Variants in WNK1 observed in about 807,000 individuals in gnomAD.
WNK1 encodes serine/threonine-protein kinase WNK1.
WNK1 carries 38 observed loss-of-function variants against 222.8 expected under a neutral mutation model. The ratio of observed to expected loss-of-function variants is 0.17; its 90% confidence interval spans 0.13 to 0.22. The LOEUF (loss-of-function observed/expected upper bound fraction) is 0.22. Among genes scored for constraint, WNK1 ranks in the 10% least tolerant of loss-of-function variants. WNK1 has a pLI of 1.00. For missense variants in WNK1, 2,348 were observed against 2,918.4 expected (o/e 0.80, Z 4.50); for synonymous variants, 1,090 against 1,092.9 (o/e 1.00, Z 0.05).
At position 827,424 on chromosome 12, in the gene WNK1, T is replaced by C; in HGVS notation, c.1153+162T>C. The stretch of plus-strand genomic sequence containing the variant: ...CTTATGAGATATAGGATTCTCTATA[T>C]TTGTGCTTCTTGGAATCATCTTAGA... On this transcript the variant is annotated intron_variant, in intron 3 of 27. Transcript: ENST00000315939. This position sits in a 1 kb window ranked among gnomAD's most constrained non-coding sequence, Gnocchi z 4.6. The C allele has an allele frequency of 1.5e-6, 1 of 651,184 alleles. No homozygotes were observed. The highest frequency in any genetic ancestry group is 2.7e-6 in the Non-Finnish European group (1 of 366,526). The allele number at this position is 651,184 out of a possible 1,614,324, so 40.3% of individuals were successfully genotyped here.
chr12:855,009 G>A (rs1255259459), intron 4 of WNK1, among the ~76,000 whole-genome samples: 4 of 152,194 alleles, frequency 2.6e-5, no homozygotes, highest in East Asian at 1.9e-4. Context: ...ATCCACAGAC[G>A]TGGAAACCAT....
intron 27 of WNK1, 72 bp downstream of exon 27, chr12:908,106 C>A: frequency 6.5e-7 from 1 of 1,547,456 alleles, no homozygotes; most frequent in Non-Finnish European, 8.9e-7. Context: ...AACTAAGCTG[C>A]TGCTTAACGT....
At chr12:865,483 C>G (rs1181459968) in intron 8 of WNK1, 1 of 1,309,120 alleles carries the variant, frequency 7.6e-7, no homozygotes, top group Non-Finnish European at 1.0e-6. Context: ...TATTATGCTT[C>G]TAGGATACCA....
chr12:887,161 C>T (rs1011075726), intron 19 of WNK1, 60 bp from the exon 20 acceptor site: 9 of 1,428,786 alleles, frequency 6.3e-6, no homozygotes, highest in East Asian at 2.3e-5. Context: ...ATTTGCTCTT[C>T]AGTACGCAGT....
chr12:855,641 T>C (rs1027329048), intron 4 of WNK1, among the ~76,000 whole-genome samples: 4 of 152,150 alleles, frequency 2.6e-5, no homozygotes, highest in African/African-American at 9.7e-5. Flanking sequence ...CCCAACTCCA[T>C]TCCCTTTGTT....
intron 1 of WNK1, among the ~76,000 whole-genome samples, chr12:773,461 C>T (rs1478647079): frequency 6.6e-6 from 1 of 152,106 alleles, no homozygotes; most frequent in African/African-American, 2.4e-5. Flanking sequence ...TTAAAAGGAA[C>T]TACTTCCCAA....
chr12:882,386 A>G (rs1953250277), intron 14 of WNK1, among the ~76,000 whole-genome samples: 1 of 151,928 alleles, frequency 6.6e-6, no homozygotes, highest in South Asian at 2.1e-4. Context: ...TTTAGTAGAG[A>G]CAGGGTTTCA....
At chr12:855,680 T>G (rs1950730515) in intron 4 of WNK1, among the ~76,000 whole-genome samples, 1 of 152,200 alleles carries the variant, frequency 6.6e-6, no homozygotes, top group African/African-American at 2.4e-5. Context: ...ACAGTGCCAC[T>G]TGAACAGCAT....
At chr12:805,376 T>C (rs1946283968) in intron 1 of WNK1, among the ~76,000 whole-genome samples, 1 of 151,988 alleles carries the variant, frequency 6.6e-6, no homozygotes, top group African/African-American at 2.4e-5. Flanking sequence ...AGACATGTTT[T>C]AAAGGAAAAA....
intron 1 of WNK1, among the ~76,000 whole-genome samples, chr12:774,223 A>G (rs1942860614): frequency 6.6e-6 from 1 of 152,180 alleles, no homozygotes; most frequent in Admixed American, 6.6e-5. Flanking sequence ...TTTCCGAAGG[A>G]AAGTTTTTAC....
rs369472011 is a variant in WNK1, at chr12:908,786, C to A, written c.7143C>A (p.Thr2381=). The change falls in exon 28 of 28, where the codon ACC becomes ACA. Residue 2381 remains threonine, a synonymous_variant. Coordinates refer to ENST00000315939, the MANE Select transcript of WNK1 (RefSeq NM_018979.4). ...ISNPPGSNLR[T]T is the part of the protein sequence containing the mutation. The stretch of plus-strand genomic sequence containing the variant: ...ACCCCCCAGGCTCCAACCTGCGGAC[C>A]ACTTAGACCTAGAGACATTAACTGA... 6.7e-5 allele frequency: 98 copies of A among 1,461,842 alleles called. No individual in the cohort carries two copies. The highest frequency in any genetic ancestry group is 8.8e-5 in the Non-Finnish European group (95 of 1,083,790). 90.6% of individuals were successfully genotyped at this position (1,461,842 alleles called of 1,614,324 possible). A position where few individuals can be genotyped will look rare whatever the true frequency, so the allele number is the denominator to read the frequency against.
chr12:766,788 T>C (rs1342510148), intron 1 of WNK1, among the ~76,000 whole-genome samples: 3 of 150,138 alleles, frequency 2.0e-5, no homozygotes, highest in Non-Finnish European at 3.0e-5. Flanking sequence ...ATTTTATTAT[T>C]ATTTTTGAGA....
At chr12:792,731 C>G (rs1365429790) in intron 1 of WNK1, among the ~76,000 whole-genome samples, 1 of 152,136 alleles carries the variant, frequency 6.6e-6, no homozygotes, top group Non-Finnish European at 1.5e-5. Flanking sequence ...TTTCTTGACC[C>G]TAACCTCCTT....
At chr12:782,268 C>T (rs1265669643) in intron 1 of WNK1, among the ~76,000 whole-genome samples, 1 of 152,170 alleles carries the variant, frequency 6.6e-6, no homozygotes, top group Non-Finnish European at 1.5e-5. Flanking sequence ...GAAGTAGTTA[C>T]ATTGCTGGGT....
At position 891,181 on chromosome 12, in the gene WNK1, C is replaced by T. The variant is rs536905327; in HGVS notation, c.5509+668C>T. 6.6e-5 allele frequency among the ~76,000 whole-genome samples: 10 copies of T among 152,256 alleles called. No homozygotes were observed. In the East Asian group the frequency reaches 1.9e-3, roughly 29 times the overall value. ...TGAAGTGGAGTTTGCTCTTGTTGCC[C>T]AGGCTGGAGTGCAGTGGCATCATCT... On this transcript the variant is annotated intron_variant, in intron 22 of 27. Transcript: ENST00000315939.
intron 2 of WNK1, among the ~76,000 whole-genome samples, chr12:822,951 G>C (rs1372008496): frequency 6.6e-6 from 1 of 152,094 alleles, no homozygotes; most frequent in Non-Finnish European, 1.5e-5. Context: ...GTGTACTACT[G>C]TCAAACTCTT....
intron 8 of WNK1, chr12:868,716 T>C (rs1951891460): frequency 6.2e-7 from 1 of 1,613,862 alleles, no homozygotes; most frequent in South Asian, 1.1e-5. Context: ...CAGGTTGCAG[T>C]GGACTTGAAT....
In WNK1 at chr12:900,481, C is replaced by T; in HGVS notation, c.6454C>T (p.Leu2152=). 1 of 1,614,162 alleles carries T rather than the reference C, an allele frequency of 6.2e-7. No individual in the cohort carries two copies. The highest frequency in any genetic ancestry group is 1.3e-5 in the African/African-American group (1 of 75,046). The part of the protein sequence containing the change: ...GNKSPQLSGN[L]SGQSAASVLH... ...GCCACTTTATCTTTTGGCAGGTAAC[C>T]TGTCTGGTCAGAGTGCAGCTTCAGT... The change falls in exon 26 of 28, where the codon CTG becomes TTG. Residue 2152 remains leucine, a synonymous_variant. Coordinates refer to ENST00000315939, the MANE Select transcript of WNK1 (RefSeq NM_018979.4).
intron 4 of WNK1, among the ~76,000 whole-genome samples, chr12:855,608 C>G (rs1392102797): frequency 1.3e-5 from 2 of 152,088 alleles, no homozygotes; most frequent in Non-Finnish European, 2.9e-5. Context: ...TATTTAATAA[C>G]TTAACTTTTC....
Sources: gnomAD v4.1 joint callset for allele counts (sites outside exome capture counted in the v4.1 genomes callset) on GRCh38, gnomAD v4.1.1 for gene constraint, Gnocchi (gnomAD v3.1) non-coding constraint, MANE v1.5 for transcripts, NCBI Gene and HGNC (gene_info 2026-07-23, HGNC 2026-07-21) for gene names.